The following FBXL13 variants were observed in gnomAD, a reference collection of about 807,000 sequenced individuals.
The protein encoded by FBXL13 is F-box and leucine rich repeat protein 13.
Under a neutral mutation model 83.6 loss-of-function variants are expected in FBXL13, and 67 were observed. That is an observed-to-expected ratio of 0.80 (90% CI 0.66 to 0.98). The LOEUF is 0.98. Among genes scored for constraint, FBXL13 ranks in the 50% least tolerant of loss-of-function variants. The pLI is 0.00. For synonymous variants in FBXL13, 272 were observed against 299.5 expected (o/e 0.91, Z 0.95); for missense variants, 822 against 866.5 (o/e 0.95, Z 0.64).
At chr7:102,884,338 T>C in intron 11 of FBXL13, 26 bp from the exon 13 acceptor site, 6 of 1,535,222 alleles carry the variant, frequency 3.9e-6, no homozygotes, top group Non-Finnish European at 5.4e-6. Context: ...TAGAAAATAA[T>C]GGGAGAATGC....
At chr7:102,885,145 T>G (rs1432410414) in intron 11 of FBXL13, among the ~76,000 whole-genome samples, 1 of 152,198 alleles carries the variant, frequency 6.6e-6, no homozygotes, top group African/African-American at 2.4e-5. Context: ...GGGTATATAT[T>G]TAGGAGAAGA....
At chr7:102,908,507 A>G (rs1100044) in intron 11 of FBXL13, among the ~76,000 whole-genome samples, 33,236 of 152,074 alleles carry the variant, frequency 0.22, 4,086 homozygotes, top group East Asian at 0.42. Context: ...TTAGGTATTT[A>G]TTGTAGTCTT....
At chr7:102,863,439 C>A (rs769848390) in intron 16 of FBXL13, among the ~76,000 whole-genome samples, 23 of 149,184 alleles carry the variant, frequency 1.5e-4, no homozygotes, top group Admixed American at 3.4e-4. Flanking sequence ...AAGAAGGCTT[C>A]TTTCATGCCT....
At chr7:102,872,834 C>G (rs1808706253) in intron 16 of FBXL13, among the ~76,000 whole-genome samples, 1 of 152,146 alleles carries the variant, frequency 6.6e-6, no homozygotes, top group Non-Finnish European at 1.5e-5. Flanking sequence ...CTTAGAAACC[C>G]TATCCTGTTT....
chr7:102,938,252 C>T (rs1820712905), intron 8 of FBXL13, among the ~76,000 whole-genome samples: 1 of 152,192 alleles, frequency 6.6e-6, no homozygotes, highest in Non-Finnish European at 1.5e-5. Flanking sequence ...TATTTTACTT[C>T]TAACATCAGA....
chr7:103,066,549 G>A (rs1316209296), intron 1 of FBXL13, among the ~76,000 whole-genome samples: 2 of 151,828 alleles, frequency 1.3e-5, no homozygotes, highest in East Asian at 1.9e-4. Flanking sequence ...CCGCCATCAC[G>A]CCCAGCTAAT....
intron 6 of FBXL13, among the ~76,000 whole-genome samples, chr7:103,024,383 C>G (rs978216753): frequency 6.6e-6 from 1 of 151,744 alleles, no homozygotes; most frequent in African/African-American, 2.4e-5. Context: ...AAAAAATTAG[C>G]TGGGCGTAGT....
chr7:102,878,333 C>G (rs1809536800), exon 15 of FBXL13: 4 of 1,598,642 alleles, frequency 2.5e-6, no homozygotes, highest in African/African-American at 1.3e-5. Context: ...TATCATACCG[C>G]TCAGATAGTT....
chr7:102,917,933 C>G (rs546406768), intron 10 of FBXL13, among the ~76,000 whole-genome samples: 1 of 152,238 alleles, frequency 6.6e-6, no homozygotes, highest in African/African-American at 2.4e-5. Flanking sequence ...AGGCAGCCCT[C>G]ATTTTCAACT....
intron 16 of FBXL13, among the ~76,000 whole-genome samples, chr7:102,869,669 G>A (rs1808260551): frequency 1.3e-5 from 2 of 152,018 alleles, no homozygotes; most frequent in South Asian, 4.2e-4. Context: ...TGAGAGATAG[G>A]AATCTAGTTC....
upstream of FBXL13, chr7:103,074,782 T>G (rs1192990350): frequency 2.3e-6 from 3 of 1,288,666 alleles, no homozygotes; most frequent in Admixed American, 6.9e-5. Context: ...GCCCAAGGCC[T>G]GACGGAGAAG....
At chr7:102,888,035 T>G (rs1298154496) in intron 11 of FBXL13, among the ~76,000 whole-genome samples, 2 of 152,250 alleles carry the variant, frequency 1.3e-5, no homozygotes, top group Non-Finnish European at 2.9e-5. Flanking sequence ...ACCTCTTCTT[T>G]CAGGGAAACA....
At chr7:103,039,836 T>G (rs1795477716) in intron 2 of FBXL13, among the ~76,000 whole-genome samples, 1 of 151,918 alleles carries the variant, frequency 6.6e-6, no homozygotes, top group Non-Finnish European at 1.5e-5. Flanking sequence ...GCACTAAATA[T>G]GGAAAGGAAC....
intron 11 of FBXL13, among the ~76,000 whole-genome samples, chr7:102,890,209 T>C (rs1366646119): frequency 6.6e-6 from 1 of 152,246 alleles, no homozygotes; most frequent in Admixed American, 6.5e-5. Flanking sequence ...AGTCTGAAAT[T>C]AAAAATTCCT....
chr7:102,990,630 A>G (rs1289544531), intron 6 of FBXL13, among the ~76,000 whole-genome samples: 2 of 152,222 alleles, frequency 1.3e-5, no homozygotes, highest in Non-Finnish European at 2.9e-5. Context: ...GGACTCTGGG[A>G]ACAGAGAGGA....
intron 6 of FBXL13, among the ~76,000 whole-genome samples, chr7:103,019,695 C>G (rs1792886073): frequency 6.6e-6 from 1 of 152,148 alleles, no homozygotes; most frequent in Admixed American, 6.6e-5. Flanking sequence ...ACTATAAACA[C>G]CTCTATGCAA....
At chr7:102,889,974 AAC>A (rs1391577619) in intron 11 of FBXL13, among the ~76,000 whole-genome samples, 2 of 151,896 alleles carry the variant, frequency 1.3e-5, no homozygotes, top group Non-Finnish European at 2.9e-5. Flanking sequence ...TGATGCTATC[AAC>A]CAATAAGATT....
Position 102,914,715 on chromosome 7 carries a change from G to A in FBXL13, c.879-1500C>T, listed in dbSNP as rs145604441. On this transcript the variant is annotated intron_variant, in intron 10 of 19. Coordinates refer to ENST00000313221, the Ensembl canonical transcript of FBXL13. ...CTGTGTACGTGAGATTCGACAGAGC[G>A]AGGGGGAAGGCTTTGGACTCACCAG... 3.7e-3 allele frequency among the ~76,000 whole-genome samples: 570 copies of A among 152,348 alleles called. 5 individuals are homozygous for A. Among genetic ancestry groups the A allele is most frequent in the African/African-American group, 0.013 (561 of 41,580 alleles).
At chr7:103,039,306 G>C (rs1795409162) in intron 2 of FBXL13, among the ~76,000 whole-genome samples, 2 of 152,190 alleles carry the variant, frequency 1.3e-5, no homozygotes, top group South Asian at 4.1e-4. Flanking sequence ...AAGCCTCCAA[G>C]AAATATGGGA....
Sources: allele counts gnomAD v4.1 joint callset (sites outside exome capture counted in the v4.1 genomes callset), GRCh38; gene constraint gnomAD v4.1.1; transcripts MANE v1.5; gene names NCBI Gene and HGNC (gene_info 2026-07-23, HGNC 2026-07-21).